SV2B: variants seen among roughly 807,000 people sequenced by gnomAD.
SV2B encodes the protein synaptic vesicle glycoprotein 2B, also known as solute carrier family 22 member B2.
In SV2B, 41 loss-of-function variants were observed where a neutral mutation model predicts 73.9. The ratio of observed to expected loss-of-function variants is 0.56; its 90% CI spans 0.43 to 0.72. SV2B has a LOEUF of 0.72. SV2B is among the 30% of genes least tolerant of loss of function. The pLI is 0.00. For missense variants in SV2B, 764 were observed against 857.8 expected, an observed-to-expected ratio of 0.89 and a Z score of 1.37; for synonymous variants, 314 against 314.2, an observed-to-expected ratio of 1.00 and a Z score of 0.01.
chr15:91,189,785 G>A (rs1335175690), intron 1 of SV2B, among the ~76,000 whole-genome samples: 8 of 152,174 alleles, frequency 5.3e-5, no homozygotes, highest in African/African-American at 9.7e-5. Flanking sequence ...TCAGGAGATC[G>A]AGACCGTCCT....
chr15:91,282,564 T>C (rs1313566377), intron 10 of SV2B, among the ~76,000 whole-genome samples: 14 of 152,182 alleles, frequency 9.2e-5, no homozygotes, highest in Admixed American at 6.5e-5. Flanking sequence ...CCTTCTCTTA[T>C]AGCTAAGGAA....
At chr15:91,174,474 T>A (rs1204878286) in intron 1 of SV2B, among the ~76,000 whole-genome samples, 2 of 125,668 alleles carry the variant, frequency 1.6e-5, no homozygotes, top group Non-Finnish European at 3.3e-5. Flanking sequence ...TTATCCTTTG[T>A]TTAGGGAGAA....
chr15:91,244,856 A>G (rs2047162090), intron 2 of SV2B, among the ~76,000 whole-genome samples: 1 of 152,212 alleles, frequency 6.6e-6, no homozygotes, highest in Admixed American at 6.5e-5. Flanking sequence ...TTTAGTTGGA[A>G]GATGCTGATT....
At position 91,224,321 on chromosome 15, in the gene SV2B, C is replaced by T. The variant is rs530467889; in HGVS notation, c.-391-1552C>T. Among the ~76,000 whole-genome samples, 7 of 152,092 alleles carry T rather than the reference C, an allele frequency of 4.6e-5. No individual in the cohort carries two copies. The highest frequency in any genetic ancestry group is 1.9e-4 in the East Asian group (1 of 5,166). ...TGTGGGCAGGTGGTTTGACCTGGGG[C>T]GTGAGTCTCTGGTAGCCTCAATGTG... On this transcript the variant is annotated intron_variant, in intron 1 of 12. Coordinates refer to ENST00000394232, the MANE Select transcript of SV2B (RefSeq NM_001323032.3). This position sits in a 1 kb window ranked among gnomAD's most constrained non-coding sequence, Gnocchi z 4.9.
At chr15:91,285,766 A>G (rs2048839412) in intron 11 of SV2B, among the ~76,000 whole-genome samples, 2 of 152,158 alleles carry the variant, frequency 1.3e-5, no homozygotes, top group Non-Finnish European at 1.5e-5. Context: ...TTCATGAAGC[A>G]GCTGAGGAAG....
At chr15:91,161,893 A>G (rs2043732711) in intron 1 of SV2B, among the ~76,000 whole-genome samples, 1 of 152,240 alleles carries the variant, frequency 6.6e-6, no homozygotes, top group East Asian at 1.9e-4. Context: ...CATCATTTAT[A>G]AAAGACAAAG....
At chr15:91,291,970 T>A (rs2049055802) in intron 12 of SV2B, among the ~76,000 whole-genome samples, 1 of 152,202 alleles carries the variant, frequency 6.6e-6, no homozygotes, top group East Asian at 1.9e-4. Context: ...CAGTCTCTGC[T>A]TCAGGAGGGT....
chr15:91,246,220 C>G (rs1163326302), intron 2 of SV2B, among the ~76,000 whole-genome samples: 1 of 152,102 alleles, frequency 6.6e-6, no homozygotes, highest in Non-Finnish European at 1.5e-5. Flanking sequence ...AATAAGTTTC[C>G]TATGCTATTC....
In SV2B at chr15:91,294,516, G is replaced by T. The variant is rs1020192418; in HGVS notation, c.*1964G>T. ...TTTTATAGGAGTACTAACATTTATT[G>T]CTCTGTCAATAATGAAAGGCTCGAT... is the stretch of plus-strand genomic sequence containing the variant. On this transcript the variant is annotated 3_prime_UTR_variant, in exon 13 of 13. Transcript: ENST00000394232. The surrounding 1 kb of genome is among the most constrained non-coding windows in gnomAD (Gnocchi z 4.1). 4.0e-5 allele frequency: 6 copies of T among 151,652 alleles called. No individual in the cohort carries two copies. The highest frequency in any genetic ancestry group is 7.4e-5 in the Non-Finnish European group (5 of 67,984). 9.4% of individuals were successfully genotyped at this position (151,652 alleles called of 1,614,324 possible). A position where few individuals can be genotyped will look rare whatever the true frequency, so the allele number is the denominator to read the frequency against.
chr15:91,292,514 C>T lies in SV2B; in HGVS notation c.2014C>T (p.Leu672Phe). Residue 672 changes from leucine to phenylalanine, a missense_variant, in exon 13 of 13, where the codon CTT becomes TTT. Coordinates refer to ENST00000394232, the MANE Select transcript of SV2B (RefSeq NM_001323032.3). Reference sequence around the variant, plus strand: ...TCTGGTTGGGGGTGGCCTGATTGCCCTTCGACTGCCAGAGACTCGAGAACA... The same window carrying T: ...TCTGGTTGGGGGTGGCCTGATTGCCTTTCGACTGCCAGAGACTCGAGAACA... ...ASLVGGGLIALRLPETREQVL... is the reference protein window; with the variant it reads ...ASLVGGGLIAFRLPETREQVL... The T allele has an allele frequency of 4.3e-6, 7 of 1,614,134 alleles. No individual in the cohort carries two copies. The highest frequency in any genetic ancestry group is 5.1e-6 in the Non-Finnish European group (6 of 1,180,026).
intron 1 of SV2B, among the ~76,000 whole-genome samples, chr15:91,189,571 C>T (rs1356627644): frequency 1.3e-5 from 2 of 152,052 alleles, no homozygotes; most frequent in Non-Finnish European, 2.9e-5. Flanking sequence ...TAAGAAAATC[C>T]CTTCTTTATC....
intron 1 of SV2B, among the ~76,000 whole-genome samples, chr15:91,112,073 A>G (rs542184140): frequency 2.4e-3 from 297 of 123,082 alleles, no homozygotes; most frequent in African/African-American, 7.8e-3. Context: ...CATCCAAACT[A>G]TGTCATCTGC....
chr15:91,277,360 A>T (rs2048527514), intron 9 of SV2B, among the ~76,000 whole-genome samples: 1 of 152,214 alleles, frequency 6.6e-6, no homozygotes, highest in African/African-American at 2.4e-5. Context: ...TATGTACAGT[A>T]AATTTACCCC....
In SV2B at chr15:91,251,968, T is replaced by G. The variant is rs1383729548; in HGVS notation, c.601T>G (p.Phe201Val). 4 of 1,613,994 alleles carry G rather than the reference T, an allele frequency of 2.5e-6. No homozygotes were observed. Among genetic ancestry groups the G allele is most frequent in the African/African-American group, 1.3e-5 (1 of 74,910 alleles). The change falls in exon 3 of 13, where the codon TTC becomes GTC. Residue 201 changes from phenylalanine to valine, a missense_variant. Transcript: ENST00000394232. ...LSSFVQGYGA[F>V]LFCRLISGIG... Reference sequence around the variant, plus strand: ...TTCCTTCGTGCAGGGATATGGAGCCTTCCTCTTCTGCCGACTCATCTCAGG... The same window carrying G: ...TTCCTTCGTGCAGGGATATGGAGCCGTCCTCTTCTGCCGACTCATCTCAGG...
chr15:91,110,065 A>C lies in SV2B; in HGVS notation c.-392+9702A>C, dbSNP rs2041995539. On this transcript the variant is annotated intron_variant, in intron 1 of 12. Transcript: ENST00000394232. This position sits in a 1 kb window ranked among gnomAD's most constrained non-coding sequence, Gnocchi z 5.4. ...TGGGTGGATAAAAGAGCTGTCCGTCATTACTCACATTACAAATCACGCTCA... is the reference window on the plus strand; with the variant it reads ...TGGGTGGATAAAAGAGCTGTCCGTCCTTACTCACATTACAAATCACGCTCA... Among the ~76,000 whole-genome samples the C allele has an allele frequency of 6.6e-6, 1 of 152,192 alleles. No homozygotes were observed.
At chr15:91,144,226 A>T (rs991740127) in intron 1 of SV2B, among the ~76,000 whole-genome samples, 4 of 152,224 alleles carry the variant, frequency 2.6e-5, no homozygotes, top group African/African-American at 9.6e-5. Context: ...ATGTACTTAC[A>T]AAAAACCAGA....
At chr15:91,117,859 CA>C (rs748086785) in intron 1 of SV2B, among the ~76,000 whole-genome samples, 6 of 152,184 alleles carry the variant, frequency 3.9e-5, no homozygotes, top group Admixed American at 6.5e-5. Context: ...TCTACCAAAG[CA>C]AGTTCCCTAT....
chr15:91,181,071 G>T (rs2141315598), intron 1 of SV2B, among the ~76,000 whole-genome samples: 1 of 152,190 alleles, frequency 6.6e-6, no homozygotes, highest in South Asian at 2.1e-4. Context: ...ATGGGTTTTT[G>T]GTGTGGATGT....
At chr15:91,147,965 C>CTTTTTTTTTTTT (rs60896008) in intron 1 of SV2B, among the ~76,000 whole-genome samples, 4 of 39,298 alleles carry the variant, frequency 1.0e-4, no homozygotes, top group African/African-American at 1.0e-4. Context: ...CCCCCCCCAA[C>CTTTTTTTTTTTT]TTTTTTTTTT....
Sources: gnomAD v4.1 joint callset for allele counts (sites outside exome capture counted in the v4.1 genomes callset) on GRCh38, gnomAD v4.1.1 for gene constraint, Gnocchi (gnomAD v3.1) non-coding constraint, MANE v1.5 for transcripts, NCBI Gene and HGNC (gene_info 2026-07-23, HGNC 2026-07-21) for gene names.